Variants in DPP6 observed in about 807,000 individuals in gnomAD.
The protein encoded by DPP6 is dipeptidyl peptidase like 6.
In DPP6, 69 loss-of-function variants were observed where a neutral mutation model predicts 122.6. That is an observed-to-expected ratio of 0.56 (90% CI 0.46 to 0.69). DPP6 has a LOEUF of 0.69. Ranked by LOEUF, DPP6 falls within the 30% of genes least tolerant of loss-of-function variation. The pLI is 0.00. For missense variants in DPP6, 928 were observed against 1,116.9 expected, an observed-to-expected ratio of 0.83 and a Z score of 2.41; for synonymous variants, 418 against 433.1, an observed-to-expected ratio of 0.97 and a Z score of 0.43.
At chr7:154,004,468 A>G (rs1797822460) in intron 1 of DPP6, among the ~76,000 whole-genome samples, 1 of 151,940 alleles carries the variant, frequency 6.6e-6, no homozygotes, top group Admixed American at 6.6e-5. Context: ...ATATATCCAA[A>G]GTGTAAAGTC....
rs1359288636 is a variant in DPP6 at position 154,274,717 on chromosome 7, C to A, written c.244-171497C>A. 2.0e-5 allele frequency among the ~76,000 whole-genome samples: 3 copies of A among 152,152 alleles called. No homozygotes were observed. In the East Asian group the frequency reaches 5.8e-4, roughly 29 times the overall value. Reference sequence around the variant, plus strand: ...AGTCTGTCTATTTTTAATGTACCTTCTTTTAAAAGCACTGCAGTGCCTATG... The same window carrying A: ...AGTCTGTCTATTTTTAATGTACCTTATTTTAAAAGCACTGCAGTGCCTATG... On this transcript the variant is annotated intron_variant, in intron 1 of 25. Coordinates refer to ENST00000377770, the MANE Select transcript of DPP6 (RefSeq NM_130797.4).
At chr7:154,497,067 C>A (rs561830892) in intron 3 of DPP6, among the ~76,000 whole-genome samples, 2 of 151,382 alleles carry the variant, frequency 1.3e-5, no homozygotes, top group South Asian at 2.1e-4. Flanking sequence ...TCCCTCCCCC[C>A]ATGAACCATT....
the DPP6 span, among the ~76,000 whole-genome samples, chr7:153,832,390 C>T: frequency 2.0e-5 from 3 of 152,332 alleles, no homozygotes; most frequent in African/African-American, 4.8e-5. Flanking sequence ...TTTATGACGC[C>T]TCCTTCTGTA....
At chr7:154,445,895 C>T (rs1819826814) in intron 1 of DPP6, among the ~76,000 whole-genome samples, 1 of 152,152 alleles carries the variant, frequency 6.6e-6, no homozygotes, top group Non-Finnish European at 1.5e-5. Context: ...TCCAAGATGA[C>T]CCTATACTGC....
At chr7:153,855,192 A>G in the DPP6 span, among the ~76,000 whole-genome samples, 33 of 151,214 alleles carry the variant, frequency 2.2e-4, 1 homozygote, top group Admixed American at 1.3e-3. Flanking sequence ...TACATATGTA[A>G]CTAACCTGCA....
At chr7:153,805,921 C>G in the DPP6 span, among the ~76,000 whole-genome samples, 1 of 151,814 alleles carries the variant, frequency 6.6e-6, no homozygotes, top group Non-Finnish European at 1.5e-5. Flanking sequence ...TTACTGGGTG[C>G]AGCACACCAA....
chr7:154,495,697 A>G (rs1171609036), intron 3 of DPP6, among the ~76,000 whole-genome samples: 1 of 152,144 alleles, frequency 6.6e-6, no homozygotes, highest in Admixed American at 6.6e-5. Context: ...GCCTGTATAT[A>G]TGTTTTAATG....
At position 154,481,130 on chromosome 7, in the gene DPP6, A is replaced by C. The variant is rs576141151; in HGVS notation, c.457+6093A>C. Reference sequence around the variant, plus strand: ...GCACCTCAGGTACTAGCTCAGGTGCAAGGAGAAGGGGATGCTTGGGTGACT... The same window carrying C: ...GCACCTCAGGTACTAGCTCAGGTGCCAGGAGAAGGGGATGCTTGGGTGACT... On this transcript the variant is annotated intron_variant, in intron 3 of 25. Transcript: ENST00000377770. This position sits in a 1 kb window ranked among gnomAD's most constrained non-coding sequence, Gnocchi z 4.2. Among the ~76,000 whole-genome samples, 2 of 152,258 alleles carry C rather than the reference A, an allele frequency of 1.3e-5. No homozygotes were observed. The highest frequency in any genetic ancestry group is 1.9e-4 in the East Asian group (1 of 5,168).
At chr7:154,468,528 C>G (rs2151332195) in intron 2 of DPP6, among the ~76,000 whole-genome samples, 1 of 152,300 alleles carries the variant, frequency 6.6e-6, no homozygotes, top group East Asian at 1.9e-4. Context: ...ATCAACCTAT[C>G]CGCATATAAT....
chr7:154,697,902 G>T (rs1206804610), intron 7 of DPP6, among the ~76,000 whole-genome samples: 1 of 152,152 alleles, frequency 6.6e-6, no homozygotes, highest in Non-Finnish European at 1.5e-5. Context: ...GCTTAGGATG[G>T]TGGCATATTT....
chr7:153,935,366 A>G (rs4726349), intron 1 of DPP6, among the ~76,000 whole-genome samples: 95,977 of 151,554 alleles, frequency 0.63, 30,911 homozygotes, highest in African/African-American at 0.76. Context: ...CCTCAGCTGG[A>G]AAGTAGACAA....
chr7:154,692,957 A>G (rs1366010284), intron 7 of DPP6, among the ~76,000 whole-genome samples: 1 of 152,004 alleles, frequency 6.6e-6, no homozygotes, highest in Admixed American at 6.6e-5. Context: ...ACACCCGGCT[A>G]ATTTTTAAAT....
intron 1 of DPP6, among the ~76,000 whole-genome samples, chr7:154,209,873 A>C (rs1426865639): frequency 2.0e-5 from 3 of 152,238 alleles, no homozygotes; most frequent in Non-Finnish European, 4.4e-5. Flanking sequence ...GTCAAAGGGC[A>C]TGGACCCCTG....
the DPP6 span, among the ~76,000 whole-genome samples, chr7:153,771,951 T>C: frequency 6.6e-6 from 1 of 152,214 alleles, no homozygotes; most frequent in African/African-American, 2.4e-5. Context: ...AAAAGATAAC[T>C]GATTTTTTCA....
chr7:153,838,937 A>T, the DPP6 span, among the ~76,000 whole-genome samples: 12 of 152,170 alleles, frequency 7.9e-5, no homozygotes, highest in African/African-American at 2.7e-4. Context: ...AGTACCCAAC[A>T]CCAGTGGTTC....
the DPP6 span, among the ~76,000 whole-genome samples, chr7:153,793,214 G>T: frequency 6.6e-6 from 1 of 151,952 alleles, no homozygotes; most frequent in Non-Finnish European, 1.5e-5. Context: ...AGGAAAATGT[G>T]GGAAAGTTTG....
chr7:154,439,845 T>C (rs141505191), intron 1 of DPP6, among the ~76,000 whole-genome samples: 7 of 152,276 alleles, frequency 4.6e-5, no homozygotes, highest in African/African-American at 1.7e-4. Flanking sequence ...TTATGTAAAA[T>C]AGGCAACTTC....
intron 1 of DPP6, among the ~76,000 whole-genome samples, chr7:154,278,882 AGTAT>A (rs1474088583): frequency 7.2e-6 from 1 of 139,234 alleles, no homozygotes; most frequent in Non-Finnish European, 1.5e-5. Context: ...AGCATGTGTG[AGTAT>A]GTGTGTATAT....
At chr7:154,192,049 C>G (rs1798641380) in intron 1 of DPP6, among the ~76,000 whole-genome samples, 1 of 152,170 alleles carries the variant, frequency 6.6e-6, no homozygotes, top group South Asian at 2.1e-4. Context: ...TGGTGGATTT[C>G]TGTCTCTTAA....
Sources: gnomAD v4.1 joint callset for allele counts (sites outside exome capture counted in the v4.1 genomes callset) on GRCh38, gnomAD v4.1.1 for gene constraint, Gnocchi (gnomAD v3.1) non-coding constraint, MANE v1.5 for transcripts, NCBI Gene and HGNC (gene_info 2026-07-23, HGNC 2026-07-21) for gene names.